SERINC5: variants seen among roughly 807,000 people sequenced by gnomAD.
SERINC5 encodes the protein chromosome 5 open reading frame 12.
Under a neutral mutation model 63.1 loss-of-function variants are expected in SERINC5, and 41 were observed. The observed-to-expected ratio is 0.65, with a 90% CI of 0.51 to 0.84. The LOEUF (loss-of-function observed/expected upper bound fraction) is 0.84, where lower values mean the gene tolerates loss of function less well. Ranked by LOEUF, SERINC5 falls within the 40% of genes least tolerant of loss-of-function variation. The pLI is 0.00. For synonymous variants in SERINC5, 222 were observed against 215.2 expected (o/e 1.03, Z -0.28); for missense variants, 523 against 573.0 (o/e 0.91, Z 0.89).
chr5:80,255,264 G>A (rs1252639726), intron 1 of SERINC5: 1 of 152,388 alleles, frequency 6.6e-6, no homozygotes, highest in East Asian at 1.9e-4. Context: ...GAGGCAGGAA[G>A]GTTCCAGCCC....
intron 9 of SERINC5, among the ~76,000 whole-genome samples, chr5:80,148,787 T>C (rs945970314): frequency 6.6e-6 from 1 of 152,124 alleles, no homozygotes; most frequent in Non-Finnish European, 1.5e-5. Flanking sequence ...ATATTTCAAC[T>C]ACAAAGAACA....
At chr5:80,130,197 T>G (rs974514703) in intron 11 of SERINC5, among the ~76,000 whole-genome samples, 2 of 151,984 alleles carry the variant, frequency 1.3e-5, no homozygotes, top group African/African-American at 4.8e-5. Context: ...CTGGCCAACA[T>G]GATGAAACCC....
chr5:80,164,788 T>C (rs1465938323), intron 7 of SERINC5, among the ~76,000 whole-genome samples: 3 of 152,158 alleles, frequency 2.0e-5, no homozygotes, highest in Non-Finnish European at 4.4e-5. Flanking sequence ...ATCTTTCTGC[T>C]TTTTTCATAT....
chr5:80,131,522 C>A (rs1041901825), intron 11 of SERINC5, among the ~76,000 whole-genome samples: 1 of 148,982 alleles, frequency 6.7e-6, no homozygotes, highest in Non-Finnish European at 1.5e-5. Flanking sequence ...AGAGAGCCTG[C>A]GGGGGAGAGG....
At chr5:80,250,340 C>CATT (rs1752352375) in intron 1 of SERINC5, among the ~76,000 whole-genome samples, 1 of 151,862 alleles carries the variant, frequency 6.6e-6, no homozygotes, top group African/African-American at 2.4e-5. Flanking sequence ...GGGGAAACAT[C>CATT]ATCATTATTA....
At chr5:80,162,292 G>A (rs1473437411) in intron 7 of SERINC5, among the ~76,000 whole-genome samples, 1 of 152,192 alleles carries the variant, frequency 6.6e-6, no homozygotes, top group Non-Finnish European at 1.5e-5. Context: ...CTGTAAGACT[G>A]CTTTAGGCAA....
rs369932842 is a variant in SERINC5, at chr5:80,178,096, A to C, written c.196-32T>G. 7.4e-6 allele frequency: 11 copies of C among 1,483,558 alleles called. 1 individual carries two copies. Among genetic ancestry groups the C allele is most frequent in the South Asian group, 6.4e-5 (5 of 78,464 alleles). The allele number at this position is 1,483,558 out of a possible 1,614,324, so 91.9% of individuals were successfully genotyped here. A position where few individuals can be genotyped will look rare whatever the true frequency, so the allele number is the denominator to read the frequency against. On this transcript the variant is annotated intron_variant, in intron 2 of 11. Transcript: ENST00000507668. ...AGAAAGTTTAGAAAAGTCATCTGTT[A>C]CAACTGAGTGAGAGGTGGACTGTCA...
chr5:80,239,864 A>C (rs1751873914), intron 1 of SERINC5, among the ~76,000 whole-genome samples: 1 of 152,104 alleles, frequency 6.6e-6, no homozygotes, highest in Non-Finnish European at 1.5e-5. Flanking sequence ...TGGTACAAGA[A>C]ATCGAGCACA....
intron 8 of SERINC5, chr5:80,157,537 C>G (rs1285252775): frequency 3.3e-4 from 8 of 24,398 alleles, no homozygotes; most frequent in African/African-American, 1.5e-3. Context: ...TTTTTTTTTT[C>G]GTAGAAACAG....
intron 1 of SERINC5, among the ~76,000 whole-genome samples, chr5:80,235,921 C>T (rs1182865857): frequency 6.6e-6 from 1 of 152,172 alleles, no homozygotes; most frequent in African/African-American, 2.4e-5. Flanking sequence ...AAGTGGATCC[C>T]TGTTCTACGA....
chr5:80,183,703 C>A (rs1367944115), intron 2 of SERINC5, among the ~76,000 whole-genome samples: 1 of 152,112 alleles, frequency 6.6e-6, no homozygotes, highest in Non-Finnish European at 1.5e-5. Flanking sequence ...TTGTGACCCC[C>A]GCCCCTGCCC....
At chr5:80,209,350 G>GACAC (rs10638723) in intron 1 of SERINC5, among the ~76,000 whole-genome samples, 1 of 152,052 alleles carries the variant, frequency 6.6e-6, no homozygotes, top group Admixed American at 6.5e-5. Context: ...AGAAGAGGAG[G>GACAC]ACACACACAC....
chr5:80,207,159 T>A (rs1439256554), intron 1 of SERINC5, among the ~76,000 whole-genome samples: 1 of 152,052 alleles, frequency 6.6e-6, no homozygotes, highest in African/African-American at 2.4e-5. Flanking sequence ...CCACCACGCC[T>A]GGCTAATTTT....
In SERINC5 at chr5:80,142,996, C is replaced by T; in HGVS notation, c.*667G>A. 1 of 985,418 alleles carries T rather than the reference C, an allele frequency of 1.0e-6. No homozygotes were observed. Among genetic ancestry groups the T allele is most frequent in the Non-Finnish European group, 1.2e-6 (1 of 829,954 alleles). The allele number at this position is 985,418 out of a possible 1,614,324, so 61.0% of individuals were successfully genotyped here. A position where few individuals can be genotyped will look rare whatever the true frequency, so the allele number is the denominator to read the frequency against. ...CAAATTGTGCTTTTTCACATTATTACAAAGATGTGGGACCCAGAAAAGATG... is the reference window on the plus strand; with the variant it reads ...CAAATTGTGCTTTTTCACATTATTATAAAGATGTGGGACCCAGAAAAGATG... On this transcript the variant is annotated 3_prime_UTR_variant, in exon 12 of 12. Coordinates refer to ENST00000507668, the MANE Select transcript of SERINC5 (RefSeq NM_001174072.3).
intron 7 of SERINC5, among the ~76,000 whole-genome samples, chr5:80,161,136 T>C (rs1055618876): frequency 2.0e-5 from 3 of 152,074 alleles, no homozygotes; most frequent in African/African-American, 7.2e-5. Context: ...ATCTTTGCTA[T>C]TGTGAACAGT....
At chr5:80,202,672 T>C (rs905837076) in intron 2 of SERINC5, among the ~76,000 whole-genome samples, 4 of 152,172 alleles carry the variant, frequency 2.6e-5, no homozygotes, top group African/African-American at 9.7e-5. Context: ...GAATCTACAC[T>C]ACTACTAAAG....
intron 1 of SERINC5, among the ~76,000 whole-genome samples, chr5:80,254,074 C>T (rs772553976): frequency 2.6e-5 from 4 of 152,156 alleles, no homozygotes; most frequent in Non-Finnish European, 4.4e-5. Flanking sequence ...TACAGGCATG[C>T]GTCATCACAC....
At chr5:80,249,209 G>C (rs1296417638) in intron 1 of SERINC5, among the ~76,000 whole-genome samples, 1 of 152,070 alleles carries the variant, frequency 6.6e-6, no homozygotes, top group African/African-American at 2.4e-5. Flanking sequence ...CAGCTACTCG[G>C]GAGGCTGAGG....
rs1275726392 is a variant in SERINC5, at chr5:80,177,990, G to A, written c.270C>T (p.Ala90=). 1.2e-5 allele frequency: 19 copies of A among 1,612,296 alleles called. No homozygotes were observed. Among genetic ancestry groups the A allele is most frequent in the Middle Eastern group, 1.6e-4 (1 of 6,080 alleles). ...DTCEKLVGYS[A]VYRVCFGMAC... Reference sequence around the variant, plus strand: ...CCATTCCAAAACAGACTCTATACACGGCAGAATATCCCACCAGCTTCTCAC... The same window carrying A: ...CCATTCCAAAACAGACTCTATACACAGCAGAATATCCCACCAGCTTCTCAC... The change falls in exon 3 of 12, where the codon GCC becomes GCT. Residue 90 remains alanine (A), a synonymous_variant. Coordinates refer to ENST00000507668, the MANE Select transcript of SERINC5 (RefSeq NM_001174072.3).
Sources: allele counts gnomAD v4.1 joint callset (sites outside exome capture counted in the v4.1 genomes callset), GRCh38; gene constraint gnomAD v4.1.1; transcripts MANE v1.5; gene names NCBI Gene and HGNC (gene_info 2026-07-23, HGNC 2026-07-21).